The following RAD54B variants were observed in gnomAD, a reference collection of about 807,000 sequenced individuals.
The protein encoded by RAD54B is RAD54 homolog B, also known as DNA repair and recombination protein RAD54B.
Under a neutral mutation model 95.8 loss-of-function variants are expected in RAD54B, and 78 were observed. That is an observed-to-expected ratio of 0.81 (90% CI 0.68 to 0.98). RAD54B has a LOEUF of 0.98. Ranked by LOEUF, RAD54B falls within the 50% of genes least tolerant of loss-of-function variation. The pLI is 0.00. For missense variants in RAD54B, 957 were observed against 1,056.6 expected (o/e 0.91, Z 1.31); for synonymous variants, 328 against 354.9 (o/e 0.92, Z 0.85).
intron 3 of RAD54B, chr8:94,427,874 A>G: frequency 1.0e-6 from 1 of 957,998 alleles, no homozygotes; most frequent in African/African-American, 1.8e-5. Context: ...CATGAAAAAA[A>G]CTCATAGTTT....
chr8:94,397,240 C>G (rs181697966), intron 8 of RAD54B, among the ~76,000 whole-genome samples: 10 of 152,230 alleles, frequency 6.6e-5, no homozygotes, highest in Admixed American at 2.0e-4. Context: ...GTACATACTC[C>G]TATACAAACA....
intron 3 of RAD54B, among the ~76,000 whole-genome samples, chr8:94,424,994 T>G (rs1283486361): frequency 6.9e-6 from 1 of 144,324 alleles, no homozygotes; most frequent in East Asian, 2.0e-4. Flanking sequence ...CCCAGGAGGT[T>G]GAGGCTCCAG....
intron 14 of RAD54B, among the ~76,000 whole-genome samples, chr8:94,375,079 T>C (rs1279014490): frequency 6.6e-6 from 1 of 152,108 alleles, no homozygotes; most frequent in Non-Finnish European, 1.5e-5. Flanking sequence ...TTTCTGGGAG[T>C]GTGTAAATTG....
chr8:94,450,436 C>G (rs1812627711), intron 3 of RAD54B, among the ~76,000 whole-genome samples: 2 of 152,120 alleles, frequency 1.3e-5, no homozygotes, highest in South Asian at 4.1e-4. Flanking sequence ...GAATTTTAGG[C>G]CCCTAGGAAA....
At position 94,392,946 on chromosome 8, in the gene RAD54B, C is replaced by A. The variant is rs555146158; in HGVS notation, c.1518+797G>T. ...CTGCCTCCCGGGTTCAAGTGATTCTCCTGAGTAGCTGGGACTACAGGCATG... is the reference window on the plus strand; with the variant it reads ...CTGCCTCCCGGGTTCAAGTGATTCTACTGAGTAGCTGGGACTACAGGCATG... On this transcript the variant is annotated intron_variant, in intron 9 of 14. Transcript: ENST00000336148. Among the ~76,000 whole-genome samples the A allele has an allele frequency of 9.7e-4, 146 of 151,252 alleles. 1 individual carries two copies. Among genetic ancestry groups the A allele is most frequent in the African/African-American group, 3.0e-3 (125 of 41,138 alleles).
In RAD54B at chr8:94,400,240, G is replaced by C; in HGVS notation, c.1168C>G (p.Gln390Glu). 8.7e-6 allele frequency: 14 copies of C among 1,610,732 alleles called. No homozygotes were observed. The highest frequency in any genetic ancestry group is 1.2e-5 in the Non-Finnish European group (14 of 1,177,348). ...SERIKIFTVD[Q>E]DHKVEEFIKS... ...GGCTAAACTTTTAAGTTTCTTACCT[G>C]ATCAACAGTAAATATCTTGATCCTT... The change falls in exon 7 of 15, where the codon CAG becomes GAG. Residue 390 changes from glutamine to glutamate, a missense_variant and splice_region_variant. Coordinates refer to ENST00000336148, the MANE Select transcript of RAD54B (RefSeq NM_012415.3).
intron 3 of RAD54B, among the ~76,000 whole-genome samples, chr8:94,435,781 A>C (rs1426629759): frequency 6.6e-6 from 1 of 152,088 alleles, no homozygotes; most frequent in African/African-American, 2.4e-5. Context: ...AGTAAGAGAA[A>C]GCTTACTCTT....
intron 3 of RAD54B, among the ~76,000 whole-genome samples, chr8:94,437,719 G>A (rs947002902): frequency 6.6e-6 from 1 of 152,000 alleles, no homozygotes; most frequent in African/African-American, 2.4e-5. Flanking sequence ...GTATAATCAC[G>A]CCTTAAGACT....
Position 94,391,858 on chromosome 8 carries a change from A to C in RAD54B, c.1560T>G (p.Thr520=), listed in dbSNP as rs748647438. 6.8e-6 allele frequency: 11 copies of C among 1,613,038 alleles called. 1 individual carries two copies. The South Asian group carries it at 1.2e-4, about 18-fold the overall frequency. The change falls in exon 10 of 15, where the codon ACT becomes ACG. Residue 520 remains threonine, a synonymous_variant. Transcript: ENST00000336148. ...TAAGGATAAAGAGTCCAGTGAGGCA[A>C]GTAAGTTCAGCTGCTCTTCTTTCTC... ...ELGERRAAEL[T]CLTGLFILRR...
intron 3 of RAD54B, among the ~76,000 whole-genome samples, chr8:94,444,309 T>G (rs928193080): frequency 6.6e-6 from 1 of 151,550 alleles, no homozygotes; most frequent in Non-Finnish European, 1.5e-5. Context: ...CATATTAAAG[T>G]GTAATGCAAA....
chr8:94,403,913 T>A (rs1479858083), intron 6 of RAD54B, among the ~76,000 whole-genome samples, 164 bp downstream of exon 6: 1 of 152,182 alleles, frequency 6.6e-6, no homozygotes, highest in Admixed American at 6.5e-5. Flanking sequence ...AGAACCACTT[T>A]TGGAATAAAT....
chr8:94,460,679 T>G (rs1312865266), intron 2 of RAD54B, among the ~76,000 whole-genome samples: 1 of 152,206 alleles, frequency 6.6e-6, no homozygotes, highest in African/African-American at 2.4e-5. Context: ...GAACTCAGAC[T>G]TAGGTCTTAC....
rs550042148 is a variant in RAD54B, at chr8:94,373,709, CCTGA to C, written c.2516-1326_2516-1323del. 3.2e-4 allele frequency among the ~76,000 whole-genome samples: 48 copies of C among 152,230 alleles called. No individual in the cohort carries two copies. In the East Asian group the frequency reaches 3.7e-3, roughly 12 times the overall value. ...TTTCTTGTTACAGCAATTAGACTGCCCTGACTAACTTATCAATTTAGAGATTTTA... is the reference window on the plus strand; with the variant it reads ...TTTCTTGTTACAGCAATTAGACTGCCCTAACTTATCAATTTAGAGATTTTA... On this transcript the variant is annotated intron_variant, in intron 14 of 14. Coordinates refer to ENST00000336148, the MANE Select transcript of RAD54B (RefSeq NM_012415.3).
At chr8:94,399,699 A>G in intron 7 of RAD54B, 78 bp from the exon 8 acceptor site, 1 of 1,461,264 alleles carries the variant, frequency 6.8e-7, no homozygotes, top group Non-Finnish European at 9.0e-7. Flanking sequence ...TATTCCTGAC[A>G]GTCACTTACT....
intron 3 of RAD54B, among the ~76,000 whole-genome samples, chr8:94,421,753 C>G (rs1338604048): frequency 1.3e-5 from 2 of 152,228 alleles, no homozygotes; most frequent in East Asian, 3.8e-4. Context: ...GTTTTCAAAG[C>G]TATGTATTGT....
intron 1 of RAD54B, among the ~76,000 whole-genome samples, chr8:94,474,674 GGA>G (rs1813254406): frequency 6.6e-6 from 1 of 151,868 alleles, no homozygotes; most frequent in Non-Finnish European, 1.5e-5. Context: ...CAGGAGTGAG[GGA>G]GAGACCCAAA....
intron 3 of RAD54B, among the ~76,000 whole-genome samples, chr8:94,441,512 T>C (rs539058336): frequency 3.3e-5 from 5 of 152,332 alleles, no homozygotes; most frequent in South Asian, 2.1e-4. Flanking sequence ...GGGCAAGTTA[T>C]GGTGGAAGGG....
chr8:94,467,195 T>C (rs1813047061), intron 2 of RAD54B, among the ~76,000 whole-genome samples: 2 of 152,264 alleles, frequency 1.3e-5, no homozygotes, highest in Admixed American at 1.3e-4. Context: ...CCCAAGGTGC[T>C]GGGATTATAG....
chr8:94,414,905 T>C (rs1811621822), intron 3 of RAD54B, among the ~76,000 whole-genome samples: 2 of 152,236 alleles, frequency 1.3e-5, no homozygotes, highest in African/African-American at 2.4e-5. Flanking sequence ...TGCTCATGGG[T>C]AGGAAGAATC....
Sources: gnomAD v4.1 joint callset for allele counts (sites outside exome capture counted in the v4.1 genomes callset) on GRCh38, gnomAD v4.1.1 for gene constraint, MANE v1.5 for transcripts, NCBI Gene and HGNC (gene_info 2026-07-23, HGNC 2026-07-21) for gene names.